Variants in PCGF5 observed in about 807,000 individuals in gnomAD.
PCGF5 encodes the protein polycomb group RING finger protein 5.
PCGF5 carries 9 observed loss-of-function variants against 44.3 expected under a neutral mutation model. That is an observed-to-expected ratio of 0.20 (90% CI 0.12 to 0.35). The LOEUF is 0.35. PCGF5 is among the 10% of genes least tolerant of loss of function. PCGF5 has a pLI of 1.00. For synonymous variants in PCGF5, 95 were observed against 102.5 expected (o/e 0.93, Z 0.44); for missense variants, 146 against 305.3 (o/e 0.48, Z 3.89).
chr10:91,162,541 T>A (rs1247735467), upstream of PCGF5, among the ~76,000 whole-genome samples: 1 of 152,088 alleles, frequency 6.6e-6, no homozygotes, highest in Non-Finnish European at 1.5e-5. Context: ...GTCTCCGGCC[T>A]GAGAAGTTTC....
chr10:91,255,742 A>G (rs1446293999), intron 6 of PCGF5, among the ~76,000 whole-genome samples: 1 of 152,108 alleles, frequency 6.6e-6, no homozygotes, highest in Admixed American at 6.6e-5. Flanking sequence ...TTCAACAACA[A>G]CAACAACAAA....
intron 1 of PCGF5, among the ~76,000 whole-genome samples, chr10:91,211,880 T>A (rs1177708146): frequency 6.6e-6 from 1 of 152,094 alleles, no homozygotes; most frequent in East Asian, 1.9e-4. Context: ...CCCAGAGGTG[T>A]TGCAGTGCTG....
chr10:91,230,353 CATT>C (rs1844968898), intron 2 of PCGF5, among the ~76,000 whole-genome samples: 1 of 152,008 alleles, frequency 6.6e-6, no homozygotes, highest in African/African-American at 2.4e-5. Flanking sequence ...TCAATATAAG[CATT>C]ATAAACAATT....
intron 9 of PCGF5, 62 bp from the exon 10 acceptor site, chr10:91,278,207 A>G (rs1846363266): frequency 7.4e-7 from 1 of 1,353,962 alleles, no homozygotes; most frequent in African/African-American, 1.4e-5. Context: ...AATCTTTCAT[A>G]TATAAACTGT....
At chr10:91,255,155 G>C (rs1322710775) in intron 6 of PCGF5, among the ~76,000 whole-genome samples, 3 of 152,026 alleles carry the variant, frequency 2.0e-5, no homozygotes, top group African/African-American at 7.2e-5. Context: ...TGCCCCCATG[G>C]AAAAAGCCTT....
intron 1 of PCGF5, among the ~76,000 whole-genome samples, chr10:91,189,393 A>G (rs1364490935): frequency 1.3e-5 from 2 of 152,240 alleles, no homozygotes; most frequent in South Asian, 2.1e-4. Flanking sequence ...AGTTTACAAC[A>G]TGGTGCCTGG....
At chr10:91,208,497 G>A (rs997172367) in intron 1 of PCGF5, among the ~76,000 whole-genome samples, 1 of 152,182 alleles carries the variant, frequency 6.6e-6, no homozygotes, top group Non-Finnish European at 1.5e-5. Context: ...GCTGATGCTG[G>A]CTGATCTGTG....
intron 1 of PCGF5, among the ~76,000 whole-genome samples, chr10:91,169,938 A>C (rs1267039358): frequency 6.6e-6 from 1 of 152,262 alleles, no homozygotes; most frequent in Non-Finnish European, 1.5e-5. Flanking sequence ...ATCATGGGAC[A>C]GAATAGAGAG....
chr10:91,255,500 A>G (rs1345847650), intron 6 of PCGF5, among the ~76,000 whole-genome samples: 1 of 152,078 alleles, frequency 6.6e-6, no homozygotes, highest in Non-Finnish European at 1.5e-5. Flanking sequence ...TTAGTTGAAT[A>G]TTGGTGGTAT....
chr10:91,240,539 T>C lies in PCGF5; in HGVS notation c.168T>C (p.Cys56=). ...HFEDSNDCPR[C]GNQVHETNPL... is the part of the protein sequence containing the mutation. Reference sequence around the variant, plus strand: ...AAGATAGCAATGATTGCCCAAGGTGTGGCAACCAAGTTCATGAGACAAATC... The same window carrying C: ...AAGATAGCAATGATTGCCCAAGGTGCGGCAACCAAGTTCATGAGACAAATC... The change falls in exon 3 of 10, where the codon TGT becomes TGC. Residue 56 remains cysteine (C), a synonymous_variant. Coordinates refer to ENST00000336126, the MANE Select transcript of PCGF5 (RefSeq NM_032373.5). The C allele has an allele frequency of 6.2e-7, 1 of 1,612,122 alleles. No homozygotes were observed. Among genetic ancestry groups the C allele is most frequent in the Non-Finnish European group, 8.5e-7 (1 of 1,178,850 alleles).
chr10:91,245,793 A>G (rs1845445160), intron 3 of PCGF5, among the ~76,000 whole-genome samples: 1 of 152,128 alleles, frequency 6.6e-6, no homozygotes, highest in African/African-American at 2.4e-5. Flanking sequence ...TTGAGAAGAA[A>G]GTGTTTGTCA....
intron 9 of PCGF5, among the ~76,000 whole-genome samples, chr10:91,276,223 G>GT (rs1270604826): frequency 1.3e-5 from 2 of 151,190 alleles, no homozygotes; most frequent in Non-Finnish European, 3.0e-5. Context: ...ATACCATTCT[G>GT]TATTTTCCAA....
intron 8 of PCGF5, among the ~76,000 whole-genome samples, chr10:91,270,895 A>G (rs996276841): frequency 6.6e-6 from 1 of 152,006 alleles, no homozygotes; most frequent in African/African-American, 2.4e-5. Context: ...AGAGTTTAGC[A>G]TAGTATTTAA....
chr10:91,276,010 C>G (rs189774324), intron 9 of PCGF5, among the ~76,000 whole-genome samples: 1 of 151,194 alleles, frequency 6.6e-6, no homozygotes, highest in East Asian at 1.9e-4. Flanking sequence ...TATGTAGCAC[C>G]GTACCAAATG....
rs55858066 is a variant in PCGF5 at position 91,205,290 on chromosome 10, G to GACAC, written c.-183-17382_-183-17379dup. Among the ~76,000 whole-genome samples, 1,054 of 149,396 alleles carry GACAC rather than the reference G, an allele frequency of 7.1e-3. 5 individuals carry two copies. The highest frequency in any genetic ancestry group is 0.011 in the Non-Finnish European group (739 of 67,198). On this transcript the variant is annotated intron_variant, in intron 1 of 9. Coordinates refer to the PCGF5 transcript ENST00000614189. ...TTTTTTCTGGGTTTCTAAATGACTG[G>GACAC]ACACACACACACACACACACGGCCC...
intron 6 of PCGF5, among the ~76,000 whole-genome samples, chr10:91,257,981 G>A (rs1271785370): frequency 6.6e-6 from 1 of 152,106 alleles, no homozygotes; most frequent in Non-Finnish European, 1.5e-5. Context: ...CTGCAATGAA[G>A]TACTGATACA....
At chr10:91,180,135 A>G (rs943244074) in intron 1 of PCGF5, among the ~76,000 whole-genome samples, 8 of 152,056 alleles carry the variant, frequency 5.3e-5, no homozygotes, top group African/African-American at 1.9e-4. Context: ...TATTGGCGGC[A>G]TGTATGTCTT....
At chr10:91,218,456 G>A (rs886361319), upstream of PCGF5, among the ~76,000 whole-genome samples, 3 of 151,984 alleles carry the variant, frequency 2.0e-5, no homozygotes, top group African/African-American at 7.3e-5. Context: ...TGCCCCCACT[G>A]GCAGTACCAA....
chr10:91,189,190 G>T (rs991296873), intron 1 of PCGF5, among the ~76,000 whole-genome samples: 1 of 152,146 alleles, frequency 6.6e-6, no homozygotes, highest in Admixed American at 6.5e-5. Context: ...TCTTTGCCTG[G>T]CAAAATCTTC....
Sources: gnomAD v4.1 joint callset for allele counts (sites outside exome capture counted in the v4.1 genomes callset) on GRCh38, gnomAD v4.1.1 for gene constraint, MANE v1.5 for transcripts, NCBI Gene and HGNC (gene_info 2026-07-23, HGNC 2026-07-21) for gene names.